ATG101: variants seen among roughly 807,000 people sequenced by gnomAD.
ATG101 encodes autophagy related 101, also known as autophagy-related protein 101.
ATG101 carries 6 observed loss-of-function variants against 16.7 expected under a neutral mutation model. The ratio of observed to expected loss-of-function variants is 0.36; its 90% CI spans 0.20 to 0.71. The LOEUF (loss-of-function observed/expected upper bound fraction) is 0.71. ATG101 is among the 30% of genes least tolerant of loss of function. ATG101 has a pLI of 0.57. For synonymous variants in ATG101, 108 were observed against 118.1 expected (o/e 0.91, Z 0.56); for missense variants, 200 against 292.5 (o/e 0.68, Z 2.31).
At position 52,077,263 on chromosome 12, in the gene ATG101, T is replaced by C; in HGVS notation, c.*73T>C. On this transcript the variant is annotated 3_prime_UTR_variant, in exon 4 of 4. Coordinates refer to ENST00000336854, the MANE Select transcript of ATG101 (RefSeq NM_021934.5). ...TTTTGGGAATTGCACTTTTGGGCCTTTGGGCTCTGGAACCTGCTCTGGGTC... is the reference window on the plus strand; with the variant it reads ...TTTTGGGAATTGCACTTTTGGGCCTCTGGGCTCTGGAACCTGCTCTGGGTC... 1 of 1,520,240 alleles carries C rather than the reference T, an allele frequency of 6.6e-7. No homozygotes were observed. Among genetic ancestry groups the C allele is most frequent in the Non-Finnish European group, 8.9e-7 (1 of 1,121,938 alleles). The allele number at this position is 1,520,240 out of a possible 1,614,324, so 94.2% of individuals were successfully genotyped here. A position where few individuals can be genotyped will look rare whatever the true frequency, so the allele number is the denominator to read the frequency against.
chr12:52,072,531 G>A (rs1212277921), intron 2 of ATG101, among the ~76,000 whole-genome samples: 2 of 152,136 alleles, frequency 1.3e-5, no homozygotes, highest in Non-Finnish European at 2.9e-5. Context: ...ACTGACTTCC[G>A]TGCCCAGCCT....
At chr12:52,076,633 C>T (rs1205217845) in intron 3 of ATG101, among the ~76,000 whole-genome samples, 153 bp from the exon 4 acceptor site, 1 of 152,130 alleles carries the variant, frequency 6.6e-6, no homozygotes, top group African/African-American at 2.4e-5. Context: ...GTCACTAAGC[C>T]CAAATCGTTT....
At chr12:52,071,782 G>C (rs1343701545) in intron 2 of ATG101, among the ~76,000 whole-genome samples, 1 of 152,166 alleles carries the variant, frequency 6.6e-6, no homozygotes, top group Non-Finnish European at 1.5e-5. Flanking sequence ...ATTGCAGCCT[G>C]GGTGATGGAG....
At chr12:52,074,742 T>C (rs1259103477) in intron 3 of ATG101, among the ~76,000 whole-genome samples, 5 of 152,086 alleles carry the variant, frequency 3.3e-5, no homozygotes, top group Admixed American at 2.0e-4. Flanking sequence ...CCGGATTGCT[T>C]GAGCCCAGGA....
intron 2 of ATG101, among the ~76,000 whole-genome samples, chr12:52,072,661 T>C (rs1166080381): frequency 6.6e-6 from 1 of 152,224 alleles, no homozygotes; most frequent in Non-Finnish European, 1.5e-5. Context: ...CCAGTCTTCA[T>C]GGCTTCATTC....
Position 52,073,290 on chromosome 12 carries a change from C to T in ATG101, c.-76-285C>T, listed in dbSNP as rs186583721. Reference sequence around the variant, plus strand: ...ATCCTGTCAGCCTGAGGGCAGGGGCCGTGCTTGCCTTTGATGTCTAGTACC... The same window carrying T: ...ATCCTGTCAGCCTGAGGGCAGGGGCTGTGCTTGCCTTTGATGTCTAGTACC... On this transcript the variant is annotated intron_variant, in intron 2 of 3. Transcript: ENST00000336854. 1.1e-3 allele frequency among the ~76,000 whole-genome samples: 169 copies of T among 152,320 alleles called. 2 individuals carry two copies. Among genetic ancestry groups the T allele is most frequent in the Non-Finnish European group, 4.0e-4 (27 of 68,036 alleles).
upstream of ATG101, among the ~76,000 whole-genome samples, chr12:52,066,277 A>T (rs908886987): frequency 1.3e-5 from 2 of 152,216 alleles, no homozygotes; most frequent in African/African-American, 4.8e-5. Context: ...AGAAGCAGTT[A>T]TCTGAAGGCA....
Position 52,077,159 on chromosome 12 carries a change from G to T in ATG101, c.626G>T (p.Arg209Leu). Residue 209 changes from arginine to leucine, a missense_variant, in exon 4 of 4, where the codon CGC (arginine) becomes CTC (leucine). Arg to Leu is a moderately radical substitution (Grantham distance 102). Coordinates refer to ENST00000336854, the MANE Select transcript of ATG101 (RefSeq NM_021934.5). ...GGCACCTCAGTCACCACCACCATGC[G>T]CAGGCTCATCAAAGACACCCTTGCC... ...ALGTSVTTTM[R>L]RLIKDTLAL 1 of 1,613,946 alleles carries T rather than the reference G, an allele frequency of 6.2e-7. No individual in the cohort carries two copies. The highest frequency in any genetic ancestry group is 8.5e-7 in the Non-Finnish European group (1 of 1,179,882).
At chr12:52,067,132 C>T (rs200705465), upstream of ATG101, among the ~76,000 whole-genome samples, 1 of 152,104 alleles carries the variant, frequency 6.6e-6, no homozygotes, top group East Asian at 1.9e-4. Flanking sequence ...GGTGGAAAGG[C>T]CAGCCTGAGG....
At chr12:52,072,488 C>T (rs1214225644) in intron 2 of ATG101, among the ~76,000 whole-genome samples, 2 of 152,228 alleles carry the variant, frequency 1.3e-5, no homozygotes, top group African/African-American at 4.8e-5. Context: ...GATTATGCTG[C>T]TTCTGTAACT....
chr12:52,075,583 G>A (rs1939719168), intron 3 of ATG101, among the ~76,000 whole-genome samples: 1 of 152,188 alleles, frequency 6.6e-6, no homozygotes, highest in Non-Finnish European at 1.5e-5. Flanking sequence ...GTGTGGTTCA[G>A]GATTTCAGGC....
chr12:52,073,560 G>A lies in ATG101; in HGVS notation c.-76-15G>A. The A allele has an allele frequency of 6.7e-7, 1 of 1,484,530 alleles. No individual in the cohort carries two copies. The highest frequency in any genetic ancestry group is 9.1e-7 in the Non-Finnish European group (1 of 1,092,900). 92.0% of individuals were successfully genotyped at this position (1,484,530 alleles called of 1,614,324 possible). A position where few individuals can be genotyped will look rare whatever the true frequency, so the allele number is the denominator to read the frequency against. ...ACTATTCTTGTCAGCATTCTGACCT[G>A]GGCTCCTTTTGCAGGGTGGCCCTTG... On this transcript the variant is annotated splice_polypyrimidine_tract_variant and intron_variant, in intron 2 of 3. Coordinates refer to ENST00000336854, the MANE Select transcript of ATG101 (RefSeq NM_021934.5).
At position 52,077,064 on chromosome 12, in the gene ATG101, G is replaced by A. The variant is rs1332892661; in HGVS notation, c.531G>A (p.Val177=). 6.2e-7 allele frequency: 1 copy of A among 1,614,232 alleles called. No homozygotes were observed. Among genetic ancestry groups the A allele is most frequent in the Admixed American group, 1.7e-5 (1 of 60,030 alleles). ...KMPTQSEVDN[V]FDTGLRDVQP... The stretch of plus-strand genomic sequence containing the variant: ...CCACACAGTCGGAGGTGGATAACGT[G>A]TTTGACACAGGCTTGCGGGACGTGC... Residue 177 remains valine (V), a synonymous_variant, in exon 4 of 4, where the codon GTG becomes GTA. Transcript: ENST00000336854.
chr12:52,074,991 G>A (rs796832626), intron 3 of ATG101, among the ~76,000 whole-genome samples: 4 of 152,266 alleles, frequency 2.6e-5, no homozygotes, highest in African/African-American at 9.6e-5. Flanking sequence ...TAGAGATGGG[G>A]TGTCACTGTG....
At chr12:52,069,815 C>T (rs946030863), upstream of ATG101, 3 of 152,268 alleles carry the variant, frequency 2.0e-5, no homozygotes, top group African/African-American at 7.2e-5. Flanking sequence ...AGGAGCAGCC[C>T]CCAGATCAGA....
chr12:52,068,859 T>C (rs899516575), upstream of ATG101, among the ~76,000 whole-genome samples: 4 of 150,636 alleles, frequency 2.7e-5, no homozygotes, highest in Non-Finnish European at 5.9e-5. Flanking sequence ...GGCGTGGTGG[T>C]GGGCGCCTGT....
upstream of ATG101, among the ~76,000 whole-genome samples, chr12:52,068,441 A>G (rs1043441230): frequency 1.3e-5 from 2 of 151,226 alleles, no homozygotes; most frequent in African/African-American, 4.9e-5. Flanking sequence ...TGCAGCTTCA[A>G]CCTCCTGGGC....
At position 52,076,781 on chromosome 12, in the gene ATG101, C is replaced by A. The variant is rs760787022; in HGVS notation, c.253-5C>A. On this transcript the variant is annotated splice_polypyrimidine_tract_variant and splice_region_variant and intron_variant, in intron 3 of 3. Transcript: ENST00000336854. ...TGGCTTGCTCATTCGTTCCCTTCTTCCCAGGATGCACTGCGCAACTCTGGT... is the reference window on the plus strand; with the variant it reads ...TGGCTTGCTCATTCGTTCCCTTCTTACCAGGATGCACTGCGCAACTCTGGT... 1 of 1,611,836 alleles carries A rather than the reference C, an allele frequency of 6.2e-7. No individual in the cohort carries two copies. Among genetic ancestry groups the A allele is most frequent in the Non-Finnish European group, 8.5e-7 (1 of 1,178,204 alleles).
At chr12:52,074,667 A>T (rs1163906764) in intron 3 of ATG101, among the ~76,000 whole-genome samples, 1 of 151,598 alleles carries the variant, frequency 6.6e-6, no homozygotes, top group Non-Finnish European at 1.5e-5. Flanking sequence ...TAATTTTTGA[A>T]GATTTATTTT....
Sources: gnomAD v4.1 joint callset for allele counts (sites outside exome capture counted in the v4.1 genomes callset) on GRCh38, gnomAD v4.1.1 for gene constraint, MANE v1.5 for transcripts, NCBI Gene and HGNC (gene_info 2026-07-23, HGNC 2026-07-21) for gene names.